Variants in CDH13 observed in about 807,000 individuals in gnomAD.
The protein encoded by CDH13 is cadherin 13.
In CDH13, 24 loss-of-function variants were observed where a neutral mutation model predicts 63.8. The observed-to-expected ratio is 0.38, with a 90% CI of 0.27 to 0.53. The LOEUF is 0.53. Ranked by LOEUF, CDH13 falls within the 20% of genes least tolerant of loss-of-function variation. The probability of loss-of-function intolerance (pLI) is 0.85; values close to 1 mark genes in which losing one functional copy is unlikely to be tolerated. For synonymous variants in CDH13, 503 were observed against 355.3 expected, an observed-to-expected ratio of 1.42 and a Z score of -4.67; for missense variants, 1,049 against 903.1, an observed-to-expected ratio of 1.16 and a Z score of -2.07.
intron 7 of CDH13, among the ~76,000 whole-genome samples, chr16:83,526,874 G>A (rs960018107): frequency 9.9e-5 from 15 of 152,220 alleles, no homozygotes; most frequent in African/African-American, 2.2e-4. Context: ...GCTCGTGCCC[G>A]TAATCCCAGC....
chr16:83,715,615 C>A (rs777546693), intron 10 of CDH13, among the ~76,000 whole-genome samples: 1 of 152,144 alleles, frequency 6.6e-6, no homozygotes, highest in African/African-American at 2.4e-5. Flanking sequence ...CTCTGAAGAA[C>A]GAATGCAAAA....
chr16:83,080,928 C>T (rs113949093), intron 3 of CDH13, among the ~76,000 whole-genome samples: 2,079 of 103,140 alleles, frequency 0.02, 42 homozygotes, highest in African/African-American at 0.077. Flanking sequence ...GTTGCCCAGG[C>T]GGGAGTGCAA....
chr16:83,056,615 A>G (rs571570527), intron 3 of CDH13, among the ~76,000 whole-genome samples: 3 of 152,298 alleles, frequency 2.0e-5, no homozygotes, highest in Non-Finnish European at 4.4e-5. Context: ...TGAGCTATAG[A>G]TGGTGATGTG....
At chr16:82,830,135 G>T (rs913174111) in intron 1 of CDH13, among the ~76,000 whole-genome samples, 7 of 152,104 alleles carry the variant, frequency 4.6e-5, no homozygotes, top group South Asian at 2.1e-4. Flanking sequence ...AAAGCTGAAT[G>T]GTGGCAGGGC....
At chr16:83,448,521 C>T (rs547251527) in intron 6 of CDH13, among the ~76,000 whole-genome samples, 1 of 152,152 alleles carries the variant, frequency 6.6e-6, no homozygotes, top group South Asian at 2.1e-4. Flanking sequence ...AAAAGCAGCA[C>T]TATGATAGGG....
chr16:83,226,436 G>A (rs1597553069), intron 5 of CDH13, among the ~76,000 whole-genome samples: 1 of 152,240 alleles, frequency 6.6e-6, no homozygotes, highest in African/African-American at 2.4e-5. Flanking sequence ...ATCTTGGCAG[G>A]TGGGAGAACC....
At chr16:82,705,088 A>G (rs1055952546) in intron 1 of CDH13, 1 of 455,660 alleles carries the variant, frequency 2.2e-6, no homozygotes, top group South Asian at 1.6e-5. Flanking sequence ...CCATATACCT[A>G]TGTCAAAACC....
intron 3 of CDH13, among the ~76,000 whole-genome samples, chr16:83,090,468 G>C (rs769811403): frequency 6.6e-6 from 1 of 151,868 alleles, no homozygotes. Flanking sequence ...CAGCCACTTG[G>C]GAGGCTGAGG....
intron 3 of CDH13, among the ~76,000 whole-genome samples, chr16:83,094,933 G>C (rs185847836): frequency 1.4e-4 from 21 of 152,222 alleles, no homozygotes; most frequent in African/African-American, 4.3e-4. Context: ...GTTTGATGAT[G>C]ATCATCATCA....
chr16:83,526,714 C>G (rs769323182), intron 7 of CDH13, among the ~76,000 whole-genome samples: 1 of 152,240 alleles, frequency 6.6e-6, no homozygotes, highest in Non-Finnish European at 1.5e-5. Flanking sequence ...GACTCTTTCA[C>G]TTCCCCAGCC....
At chr16:83,029,873 G>A (rs138558524) in intron 2 of CDH13, among the ~76,000 whole-genome samples, 1,572 of 152,210 alleles carry the variant, frequency 0.01, 15 homozygotes, top group African/African-American at 0.021. Flanking sequence ...TCAATTAAAG[G>A]TTTACTAAAC....
In CDH13 at chr16:82,944,794, C is replaced by G. The variant is rs997670350; in HGVS notation, c.157+86321C>G. ...AGAGAGAGAAAGAGAGAGAGAGAGA[C>G]AGACAGAGACTGATACATTTGTACC... On this transcript the variant is annotated intron_variant, in intron 2 of 13. Coordinates refer to ENST00000567109, the MANE Select transcript of CDH13 (RefSeq NM_001257.5). 5.9e-5 allele frequency among the ~76,000 whole-genome samples: 9 copies of G among 152,096 alleles called. No homozygotes were observed. The South Asian group carries it at 6.2e-4, about 11-fold the overall frequency.
chr16:83,172,939 GA>G (rs2151731599), intron 4 of CDH13, among the ~76,000 whole-genome samples: 1 of 152,156 alleles, frequency 6.6e-6, no homozygotes, highest in East Asian at 1.9e-4. Context: ...ATTTGATGCT[GA>G]ACCAAGCCAA....
chr16:82,766,633 A>C (rs889493945), intron 1 of CDH13, among the ~76,000 whole-genome samples: 2 of 152,206 alleles, frequency 1.3e-5, no homozygotes, highest in Non-Finnish European at 2.9e-5. Context: ...TGGTCACTCT[A>C]TCATAATAAT....
chr16:83,788,103 G>T (rs937911407), intron 13 of CDH13, among the ~76,000 whole-genome samples: 2 of 152,204 alleles, frequency 1.3e-5, no homozygotes, highest in Non-Finnish European at 2.9e-5. Context: ...GCACGTGTGT[G>T]TACCCAGAAA....
chr16:83,787,052 C>G (rs1276046911), intron 13 of CDH13, among the ~76,000 whole-genome samples: 3 of 152,228 alleles, frequency 2.0e-5, no homozygotes, highest in African/African-American at 7.2e-5. Flanking sequence ...TTACTACACA[C>G]AAACTGACAC....
At chr16:82,883,450 A>C (rs2040775022) in intron 2 of CDH13, among the ~76,000 whole-genome samples, 1 of 152,216 alleles carries the variant, frequency 6.6e-6, no homozygotes, top group South Asian at 2.1e-4. Flanking sequence ...AGTGGTTCAC[A>C]ATGAGTATGA....
intron 5 of CDH13, among the ~76,000 whole-genome samples, chr16:83,248,355 G>A (rs1250513358): frequency 2.6e-5 from 4 of 152,178 alleles, no homozygotes; most frequent in Non-Finnish European, 4.4e-5. Context: ...ATCTGTTGTT[G>A]TTTGCTACTT....
chr16:83,008,457 G>C (rs112400759), intron 2 of CDH13, among the ~76,000 whole-genome samples: 1 of 152,196 alleles, frequency 6.6e-6, no homozygotes, highest in South Asian at 2.1e-4. Flanking sequence ...GAAGAACTAG[G>C]AGACCAGTGG....
Sources: allele counts gnomAD v4.1 joint callset (sites outside exome capture counted in the v4.1 genomes callset), GRCh38; gene constraint gnomAD v4.1.1; transcripts MANE v1.5; gene names NCBI Gene and HGNC (gene_info 2026-07-23, HGNC 2026-07-21).